Variants in ATP8B4 observed in about 807,000 individuals in gnomAD.
ATP8B4 encodes the protein probable phospholipid-transporting ATPase IM.
ATP8B4 carries 133 observed loss-of-function variants against 145.6 expected under a neutral mutation model. The observed-to-expected ratio is 0.91, with a 90% CI of 0.79 to 1.05. ATP8B4 has a LOEUF of 1.05. Among genes scored for constraint, ATP8B4 ranks in the 50% least tolerant of loss-of-function variants. The pLI is 0.00. For synonymous variants in ATP8B4, 507 were observed against 492.9 expected (o/e 1.03, Z -0.38); for missense variants, 1,458 against 1,425.2 (o/e 1.02, Z -0.37).
At chr15:50,052,263 C>T (rs905588260) in intron 3 of ATP8B4, among the ~76,000 whole-genome samples, 1 of 152,158 alleles carries the variant, frequency 6.6e-6, no homozygotes, top group Admixed American at 6.5e-5. Context: ...AAGTACTTTC[C>T]CACCATGAAT....
chr15:50,072,448 T>C (rs1459879652), intron 3 of ATP8B4, among the ~76,000 whole-genome samples: 1 of 152,194 alleles, frequency 6.6e-6, no homozygotes, highest in Non-Finnish European at 1.5e-5. Context: ...ATGTAATTCA[T>C]GAAGTTGTTC....
intron 2 of ATP8B4, among the ~76,000 whole-genome samples, chr15:50,102,548 A>G (rs891940053): frequency 6.6e-6 from 1 of 152,148 alleles, no homozygotes; most frequent in African/African-American, 2.4e-5. Flanking sequence ...AACCGGGAAC[A>G]AACAGAAACT....
At chr15:50,155,516 C>T (rs1433102266) in intron 1 of ATP8B4, among the ~76,000 whole-genome samples, 1 of 151,968 alleles carries the variant, frequency 6.6e-6, no homozygotes, top group Non-Finnish European at 1.5e-5. Context: ...AATTTTTAAA[C>T]CAACTTATTT....
chr15:50,101,020 T>G lies in ATP8B4; in HGVS notation c.28+5919A>C, dbSNP rs377296245. 2.8e-3 allele frequency among the ~76,000 whole-genome samples: 419 copies of G among 152,302 alleles called. 1 individual carries two copies. Among genetic ancestry groups the G allele is most frequent in the African/African-American group, 9.6e-3 (397 of 41,556 alleles). The stretch of plus-strand genomic sequence containing the variant: ...AACCATGCTAGAATATTCAATAAAA[T>G]GGTTAGACTAGACATTCCCAAAATT... On this transcript the variant is annotated intron_variant, in intron 2 of 27. Transcript: ENST00000284509.
Position 49,972,737 on chromosome 15 carries a change from A to G in ATP8B4, c.1088T>C (p.Met363Thr). 6.2e-7 allele frequency: 1 copy of G among 1,614,068 alleles called. No homozygotes were observed. The highest frequency in any genetic ancestry group is 1.3e-5 in the African/African-American group (1 of 75,028). Residue 363 changes from methionine to threonine, a missense_variant, in exon 13 of 28, where the codon ATG (methionine) becomes ACG (threonine). Physicochemically the swap from Met to Thr is moderately conservative, Grantham distance 81. Transcript: ENST00000284509. ...HSYFINWDRK[M>T]YYSRKAIPAV... ...AGGTATTGCTTTTCGAGAATAATAC[A>G]TCTTCCGGTCCCAGTTTATAAAATA...
intron 23 of ATP8B4, among the ~76,000 whole-genome samples, chr15:49,893,898 T>C (rs1216247890): frequency 6.6e-6 from 1 of 152,216 alleles, no homozygotes; most frequent in African/African-American, 2.4e-5. Context: ...AGACAATGCC[T>C]GAAACATAGT....
intron 25 of ATP8B4, among the ~76,000 whole-genome samples, chr15:49,871,848 A>G (rs2033711289): frequency 1.3e-5 from 2 of 152,014 alleles, no homozygotes; most frequent in African/African-American, 4.8e-5. Context: ...TCAATCTCCT[A>G]GCTGTTTTAG....
At chr15:49,907,468 G>C (rs2038743430) in intron 20 of ATP8B4, among the ~76,000 whole-genome samples, 1 of 152,146 alleles carries the variant, frequency 6.6e-6, no homozygotes, top group Admixed American at 6.5e-5. Context: ...CAGGCCTGCT[G>C]CCCTTATTGG....
intron 3 of ATP8B4, among the ~76,000 whole-genome samples, chr15:50,055,711 G>A (rs115981928): frequency 3.5e-4 from 53 of 152,188 alleles, no homozygotes; most frequent in African/African-American, 1.3e-3. Flanking sequence ...AAATAATCCT[G>A]ACTAATAAGG....
chr15:50,159,323 CT>C (rs1443491654), intron 1 of ATP8B4, among the ~76,000 whole-genome samples: 1 of 152,122 alleles, frequency 6.6e-6, no homozygotes, highest in Non-Finnish European at 1.5e-5. Context: ...AGAAATGCTA[CT>C]GATTTTTGTG....
intron 7 of ATP8B4, among the ~76,000 whole-genome samples, chr15:50,005,552 T>C (rs886223620): frequency 6.6e-5 from 10 of 152,070 alleles, no homozygotes; most frequent in Non-Finnish European, 1.0e-4. Context: ...AGGAATAGAC[T>C]CTACCACACC....
intron 10 of ATP8B4, among the ~76,000 whole-genome samples, chr15:49,986,348 A>G (rs2153541154): frequency 6.6e-6 from 1 of 152,328 alleles, no homozygotes; most frequent in South Asian, 2.1e-4. Context: ...AGATAAAGGA[A>G]TGTTCATGGT....
At chr15:49,912,812 T>G (rs2039367427) in intron 20 of ATP8B4, among the ~76,000 whole-genome samples, 1 of 152,066 alleles carries the variant, frequency 6.6e-6, no homozygotes, top group Non-Finnish European at 1.5e-5. Flanking sequence ...GGCTTGAGTG[T>G]GGTGGCTCCA....
Position 49,987,395 on chromosome 15 carries a change from A to T in ATP8B4, c.744T>A (p.Phe248Leu). The T allele has an allele frequency of 6.2e-7, 1 of 1,613,534 alleles. No individual in the cohort carries two copies. The highest frequency in any genetic ancestry group is 8.5e-7 in the Non-Finnish European group (1 of 1,179,632). ...GCCTTGGGTCACATGCTGTACCTGC[A>T]AAAATAACCATTCCAAAACACCAGC... Reference protein sequence around the residue: ...NTSWCFGMVIFAGPDTKLMQN... With the variant: ...NTSWCFGMVILAGPDTKLMQN... The change falls in exon 10 of 28, where the codon TTT becomes TTA. Residue 248 changes from phenylalanine (F) to leucine (L), a missense_variant. Coordinates refer to ENST00000284509, the MANE Select transcript of ATP8B4 (RefSeq NM_024837.4).
intron 7 of ATP8B4, among the ~76,000 whole-genome samples, chr15:50,007,719 G>A (rs1599770024): frequency 6.6e-6 from 1 of 151,978 alleles, no homozygotes; most frequent in Non-Finnish European, 1.5e-5. Context: ...TTTGCCCCCC[G>A]AATATAAGCT....
rs776171793 is a variant in ATP8B4, at chr15:49,901,174, T to C, written c.2207A>G (p.Lys736Arg). ...NFSNGHVVCE[K>R]KQQLELDSIV... is the part of the protein sequence containing the mutation. ...AGAATCCAACTCCAGCTGCTGCTTT[T>C]TTTCACAAACTACATGGCCATTGGA... Residue 736 changes from lysine to arginine, a missense_variant, in exon 21 of 28, where the codon AAA (lysine) becomes AGA (arginine). Coordinates refer to ENST00000284509, the MANE Select transcript of ATP8B4 (RefSeq NM_024837.4). 1 of 1,613,706 alleles carries C rather than the reference T, an allele frequency of 6.2e-7. No individual in the cohort carries two copies. The highest frequency in any genetic ancestry group is 1.1e-5 in the South Asian group (1 of 91,062).
At chr15:50,179,998 C>T (rs896610703) in intron 1 of ATP8B4, among the ~76,000 whole-genome samples, 5 of 152,068 alleles carry the variant, frequency 3.3e-5, no homozygotes, top group African/African-American at 1.2e-4. Context: ...AAATTACTTC[C>T]CCAAATTTAC....
intron 6 of ATP8B4, among the ~76,000 whole-genome samples, chr15:50,023,198 A>G (rs373002742): frequency 1.9e-4 from 29 of 152,104 alleles, no homozygotes; most frequent in African/African-American, 7.0e-4. Flanking sequence ...GGTCTTATTT[A>G]TAGTCTGTAA....
At chr15:49,968,673 T>G (rs2044788743) in intron 13 of ATP8B4, among the ~76,000 whole-genome samples, 1 of 152,190 alleles carries the variant, frequency 6.6e-6, no homozygotes, top group Non-Finnish European at 1.5e-5. Flanking sequence ...ACAATTATAG[T>G]GGGAGACTTT....
Sources: gnomAD v4.1 joint callset for allele counts (sites outside exome capture counted in the v4.1 genomes callset) on GRCh38, gnomAD v4.1.1 for gene constraint, MANE v1.5 for transcripts, NCBI Gene and HGNC (gene_info 2026-07-23, HGNC 2026-07-21) for gene names.